TMTC4: variants seen among roughly 807,000 people sequenced by gnomAD.
The protein encoded by TMTC4 is transmembrane O-mannosyltransferase targeting cadherins 4.
TMTC4 carries 65 observed loss-of-function variants against 86.0 expected under a neutral mutation model. The observed-to-expected ratio is 0.76, with a 90% confidence interval of 0.62 to 0.93. TMTC4 has a LOEUF of 0.93. Among genes scored for constraint, TMTC4 ranks in the 40% least tolerant of loss-of-function variants. The probability of loss-of-function intolerance (pLI) is 0.00; values close to 1 mark genes in which losing one functional copy is unlikely to be tolerated. For missense variants in TMTC4, 866 were observed against 948.1 expected, an observed-to-expected ratio of 0.91 and a Z score of 1.14; for synonymous variants, 379 against 382.5, an observed-to-expected ratio of 0.99 and a Z score of 0.11.
chr13:100,657,801 G>A (rs1375982158), intron 5 of TMTC4, among the ~76,000 whole-genome samples: 2 of 152,196 alleles, frequency 1.3e-5, no homozygotes. Flanking sequence ...AAGTTCATGT[G>A]CAGTCAATAG....
chr13:100,634,695 G>A, intron 12 of TMTC4, 110 bp downstream of exon 12: 1 of 1,327,182 alleles, frequency 7.5e-7, no homozygotes, highest in Non-Finnish European at 1.0e-6. Flanking sequence ...CAAGTATTCG[G>A]TCATGGTCTT....
chr13:100,667,930 A>G (rs1886589280), intron 3 of TMTC4, among the ~76,000 whole-genome samples: 2 of 152,166 alleles, frequency 1.3e-5, no homozygotes, highest in South Asian at 4.1e-4. Flanking sequence ...CCGGGTAGGG[A>G]GTGGAAAAAG....
intron 6 of TMTC4, among the ~76,000 whole-genome samples, chr13:100,655,746 C>T (rs17475709): frequency 0.19 from 28,441 of 151,880 alleles, 3,070 homozygotes; most frequent in Middle Eastern, 0.25. Flanking sequence ...AACCGATGAG[C>T]GATGGGAAGA....
At chr13:100,659,533 G>A (rs1885512953) in intron 5 of TMTC4, among the ~76,000 whole-genome samples, 3 of 152,024 alleles carry the variant, frequency 2.0e-5, no homozygotes, top group Admixed American at 2.0e-4. Flanking sequence ...AAAAAGGAAA[G>A]CCCACACAAG....
chr13:100,668,671 AC>A lies in TMTC4; in HGVS notation c.126del (p.Lys42AsnfsTer2). ...ACAATGGCAACCGATCCCACTACTA[AC>A]TTAGCCCAGAATGGAGGAAGAACAG... ...PSSVLPPFWA[K>X]LVVGSVAIVC... On this transcript the variant is annotated frameshift_variant, in exon 3 of 19. Coordinates refer to ENST00000342624, the MANE Select transcript of TMTC4 (RefSeq NM_032813.5). LOFTEE classifies it high-confidence loss of function. 1 of 1,614,224 alleles carries A rather than the reference AC, an allele frequency of 6.2e-7. No individual in the cohort carries two copies. The highest frequency in any genetic ancestry group is 8.5e-7 in the Non-Finnish European group (1 of 1,180,040).
rs1265183883 is a variant in TMTC4 at position 100,643,983 on chromosome 13, G to C, written c.641-1672C>G. Among the ~76,000 whole-genome samples the C allele has an allele frequency of 2.0e-5, 3 of 152,190 alleles. No individual in the cohort carries two copies. In the East Asian group the frequency reaches 5.8e-4, roughly 29 times the overall value. On this transcript the variant is annotated intron_variant, in intron 6 of 18. Transcript: ENST00000342624. Reference sequence around the variant, plus strand: ...GTGTGTGTCCTGCAGACCCTGCAAGGAGGGATAGAAAAATACTTGTGAATA... The same window carrying C: ...GTGTGTGTCCTGCAGACCCTGCAAGCAGGGATAGAAAAATACTTGTGAATA...
At chr13:100,653,406 C>A (rs2138979752) in intron 6 of TMTC4, among the ~76,000 whole-genome samples, 1 of 152,184 alleles carries the variant, frequency 6.6e-6, no homozygotes, top group Non-Finnish European at 1.5e-5. Context: ...GCGTGAGGGG[C>A]TGTTCTGATG....
intron 6 of TMTC4, among the ~76,000 whole-genome samples, chr13:100,648,634 G>T (rs1884046295): frequency 6.6e-6 from 1 of 152,290 alleles, no homozygotes; most frequent in South Asian, 2.1e-4. Flanking sequence ...CCTATTTAAA[G>T]CCAACTCTTT....
At chr13:100,639,939 G>GAATAAA (rs1246403304) in intron 7 of TMTC4, among the ~76,000 whole-genome samples, 3 of 149,688 alleles carry the variant, frequency 2.0e-5, no homozygotes, top group Non-Finnish European at 3.0e-5. Flanking sequence ...AAACCGTCTC[G>GAATAAA]AATAAAAATA....
At chr13:100,660,513 C>T (rs933278642) in intron 5 of TMTC4, among the ~76,000 whole-genome samples, 5 of 152,098 alleles carry the variant, frequency 3.3e-5, no homozygotes, top group African/African-American at 1.2e-4. Flanking sequence ...GCTGGGGCTG[C>T]TGTGCCCAAG....
chr13:100,651,697 G>T (rs543278314), intron 6 of TMTC4, among the ~76,000 whole-genome samples: 1 of 152,048 alleles, frequency 6.6e-6, no homozygotes, highest in African/African-American at 2.4e-5. Context: ...TTCTCTGAAA[G>T]AATTTATTAA....
intron 5 of TMTC4, among the ~76,000 whole-genome samples, chr13:100,660,163 T>A (rs1885589682): frequency 1.3e-5 from 2 of 151,322 alleles, no homozygotes; most frequent in African/African-American, 4.9e-5. Flanking sequence ...AAACCCCATC[T>A]CTACTAAAAA....
Position 100,637,964 on chromosome 13 carries a change from A to G in TMTC4, c.800T>C (p.Val267Ala). ...CTTGTCCTTATGTAGTACCTTCTGG[A>G]CAATTTCCAGAACATTGAATTTGCC... is the stretch of plus-strand genomic sequence containing the variant. ...VIGKFNVLEI[V>A]QKVLHKDKSL... The change falls in exon 8 of 19, where the codon GTC becomes GCC. Residue 267 changes from valine to alanine, a missense_variant. Coordinates refer to ENST00000342624, the MANE Select transcript of TMTC4 (RefSeq NM_032813.5). 1 of 1,614,084 alleles carries G rather than the reference A, an allele frequency of 6.2e-7. No homozygotes were observed. Among genetic ancestry groups the G allele is most frequent in the Non-Finnish European group, 8.5e-7 (1 of 1,179,968 alleles).
At chr13:100,656,208 C>G (rs1280255440) in intron 6 of TMTC4, among the ~76,000 whole-genome samples, 173 bp downstream of exon 6, 1 of 152,170 alleles carries the variant, frequency 6.6e-6, no homozygotes, top group East Asian at 1.9e-4. Flanking sequence ...ACGGAAAAAG[C>G]AATGGCACAA....
At chr13:100,657,905 T>G (rs988042598) in intron 5 of TMTC4, among the ~76,000 whole-genome samples, 1 of 152,180 alleles carries the variant, frequency 6.6e-6, no homozygotes, top group Non-Finnish European at 1.5e-5. Context: ...GACCTCCTGA[T>G]GGTTGGTACG....
At chr13:100,660,708 C>T (rs1885676302) in intron 5 of TMTC4, among the ~76,000 whole-genome samples, 3 of 150,172 alleles carry the variant, frequency 2.0e-5, no homozygotes. Context: ...GGCTGGAGTG[C>T]AGTGGCATGG....
intron 17 of TMTC4, among the ~76,000 whole-genome samples, chr13:100,607,979 T>C (rs1876932205): frequency 1.3e-5 from 2 of 151,952 alleles, no homozygotes; most frequent in South Asian, 4.2e-4. Context: ...TTCGCAGTGG[T>C]TTCTGAGTCT....
chr13:100,642,455 G>A, intron 6 of TMTC4, 144 bp from the exon 7 acceptor site: 1 of 833,454 alleles, frequency 1.2e-6, no homozygotes. Flanking sequence ...CTTCTCTGTG[G>A]GCAAGAGTGC....
At chr13:100,620,053 CGAAGGGAACAAACTTTCAGG>C in intron 15 of TMTC4, among the ~76,000 whole-genome samples, 1 of 152,282 alleles carries the variant, frequency 6.6e-6, no homozygotes, top group Admixed American at 6.5e-5. Context: ...AGCATCTACA[CGAAGGGAACAAACTTTCAGG>C]GAAGCAGAAA....
Sources: gnomAD v4.1 joint callset for allele counts (sites outside exome capture counted in the v4.1 genomes callset) on GRCh38, gnomAD v4.1.1 for gene constraint, MANE v1.5 for transcripts, NCBI Gene and HGNC (gene_info 2026-07-23, HGNC 2026-07-21) for gene names.